TANC2: variants seen among roughly 807,000 people sequenced by gnomAD.
TANC2 encodes protein TANC2.
TANC2 carries 26 observed loss-of-function variants against 210.5 expected under a neutral mutation model. The observed-to-expected ratio is 0.12, with a 90% CI of 0.09 to 0.17. The LOEUF (loss-of-function observed/expected upper bound fraction) is 0.17. TANC2 is among the 10% of genes least tolerant of loss of function. TANC2 has a pLI of 1.00. For synonymous variants in TANC2, 931 were observed against 967.1 expected, an observed-to-expected ratio of 0.96 and a Z score of 0.69; for missense variants, 2,129 against 2,608.9, an observed-to-expected ratio of 0.82 and a Z score of 4.01.
exon 9 of TANC2, chr17:63,267,760 C>A: frequency 6.2e-7 from 1 of 1,612,486 alleles, no homozygotes; most frequent in South Asian, 1.1e-5. Context: ...ACCAGCTCTG[C>A]CCACTTGGAA....
intron 5 of TANC2, chr17:63,153,567 T>C (rs777797213): frequency 1.3e-5 from 2 of 152,168 alleles, no homozygotes; most frequent in African/African-American, 2.4e-5. Context: ...GTCAAGAATT[T>C]GCATTTCTAA....
intron 4 of TANC2, among the ~76,000 whole-genome samples, chr17:63,099,589 T>C (rs1031399354): frequency 6.6e-6 from 1 of 152,162 alleles, no homozygotes; most frequent in African/African-American, 2.4e-5. Flanking sequence ...CCATCTGTTG[T>C]GAACATATTT....
chr17:63,119,648 A>G (rs1030720943), intron 4 of TANC2, among the ~76,000 whole-genome samples: 7 of 152,212 alleles, frequency 4.6e-5, no homozygotes, highest in Admixed American at 2.6e-4. Flanking sequence ...CTTTATGACT[A>G]TCCTCACACA....
At chr17:63,158,898 A>G (rs1015784401) in intron 5 of TANC2, among the ~76,000 whole-genome samples, 2 of 152,148 alleles carry the variant, frequency 1.3e-5, no homozygotes, top group Non-Finnish European at 2.9e-5. Context: ...GTTTATACAC[A>G]TAGTTATTAG....
intron 17 of TANC2, chr17:63,393,374 C>G (rs984288465): frequency 3.9e-5 from 6 of 152,216 alleles, no homozygotes; most frequent in Admixed American, 2.6e-4. Flanking sequence ...CTCACCAACA[C>G]ACTGACCATA....
chr17:63,363,806 C>T (rs1225680413), intron 14 of TANC2, among the ~76,000 whole-genome samples: 1 of 152,162 alleles, frequency 6.6e-6, no homozygotes, highest in Non-Finnish European at 1.5e-5. Context: ...TTTGTTCTTG[C>T]TTAGGATAGC....
intron 4 of TANC2, among the ~76,000 whole-genome samples, chr17:63,136,182 T>C (rs1190716596): frequency 6.6e-6 from 1 of 152,212 alleles, no homozygotes; most frequent in African/African-American, 2.4e-5. Context: ...TTATTCAAAA[T>C]CCCATTGAAG....
At chr17:63,363,747 G>A (rs946078107) in intron 14 of TANC2, among the ~76,000 whole-genome samples, 4 of 152,098 alleles carry the variant, frequency 2.6e-5, no homozygotes, top group Admixed American at 1.3e-4. Flanking sequence ...GTACCATGCC[G>A]TTTGGGTCTA....
intron 4 of TANC2, among the ~76,000 whole-genome samples, chr17:63,123,683 CTTTTTT>C (rs957485298): frequency 3.2e-5 from 3 of 93,890 alleles, no homozygotes; most frequent in African/African-American, 4.5e-5. Context: ...TAGGTAAAAT[CTTTTTT>C]TTTTTTTTTT....
chr17:63,009,208 ATAAT>A (rs1162582251), intron 1 of TANC2, among the ~76,000 whole-genome samples: 1 of 151,946 alleles, frequency 6.6e-6, no homozygotes, highest in Non-Finnish European at 1.5e-5. Context: ...TTAATTCTTT[ATAAT>A]TAATTTTAAA....
chr17:63,008,044 A>T (rs372570500), intron 1 of TANC2, among the ~76,000 whole-genome samples: 2 of 121,638 alleles, frequency 1.6e-5, no homozygotes, highest in African/African-American at 6.2e-5. Flanking sequence ...ATTCATCATT[A>T]CTGTTGAAAG....
rs138636993 is a variant in TANC2 at position 63,223,923 on chromosome 17, A to G, written c.770-13891A>G. 1.2e-3 allele frequency among the ~76,000 whole-genome samples: 176 copies of G among 152,276 alleles called. 1 individual carries two copies. The highest frequency in any genetic ancestry group is 4.0e-3 in the African/African-American group (168 of 41,546). ...TATTTTACCTCAAGCACACATACATAGTTAACCTAACACATAGCCACAATT... is the reference window on the plus strand; with the variant it reads ...TATTTTACCTCAAGCACACATACATGGTTAACCTAACACATAGCCACAATT... On this transcript the variant is annotated intron_variant, in intron 7 of 27. Transcript: ENST00000689528.
At chr17:63,290,367 C>G (rs1265568193) in intron 9 of TANC2, among the ~76,000 whole-genome samples, 11 of 152,304 alleles carry the variant, frequency 7.2e-5, no homozygotes, top group African/African-American at 2.2e-4. Context: ...CTCTGGTAAG[C>G]TGTGACTCCC....
intron 15 of TANC2, chr17:63,381,504 C>CA (rs1205076357): frequency 6.6e-6 from 1 of 152,160 alleles, no homozygotes; most frequent in African/African-American, 2.4e-5. Context: ...AGCTGTGGGT[C>CA]AAAGACAAAT....
At chr17:62,968,924 T>G (rs1180506904) in intron 1 of TANC2, among the ~76,000 whole-genome samples, 1 of 152,186 alleles carries the variant, frequency 6.6e-6, no homozygotes, top group Non-Finnish European at 1.5e-5. Flanking sequence ...ACTACTACAT[T>G]CTTCCCTTAT....
Position 63,421,698 on chromosome 17 carries a change from A to C in TANC2, c.5968A>C (p.Thr1990Pro). 1 of 1,613,970 alleles carries C rather than the reference A, an allele frequency of 6.2e-7. No homozygotes were observed. Among genetic ancestry groups the C allele is most frequent in the Non-Finnish European group, 8.5e-7 (1 of 1,179,884 alleles). ...CAGCAACATTGCCTTTTATAACAAA[A>C]CCAACAATGCACAGAATGGCCATTT... The change falls in exon 28 of 28, where the codon ACC (threonine) becomes CCC (proline). Residue 1990 changes from threonine (T) to proline (P), a missense_variant. By Grantham distance (38) the Thr-to-Pro change is conservative (BLOSUM62 -1). This residue lies in a region of TANC2 where 161 missense variants were observed against 178.6 expected (regional missense o/e 0.90). Transcript: ENST00000689528. This position sits in a 1 kb window ranked among gnomAD's most constrained non-coding sequence, Gnocchi z 6.9.
chr17:63,064,798 T>C (rs551471484), intron 2 of TANC2, among the ~76,000 whole-genome samples: 2 of 152,244 alleles, frequency 1.3e-5, no homozygotes, highest in East Asian at 1.9e-4. Context: ...TACAATGTGA[T>C]GTTTTGATAT....
intron 4 of TANC2, among the ~76,000 whole-genome samples, chr17:63,116,630 C>A (rs369833408): frequency 1.3e-5 from 2 of 152,200 alleles, no homozygotes; most frequent in East Asian, 3.9e-4. Flanking sequence ...GATAGTATGC[C>A]TCTCTTTGAA....
intron 2 of TANC2, among the ~76,000 whole-genome samples, chr17:63,017,305 A>G (rs904011742): frequency 2.0e-5 from 3 of 152,224 alleles, no homozygotes; most frequent in Admixed American, 6.5e-5. Context: ...AATGATAAAG[A>G]TAAATGATGA....
Sources: gnomAD v4.1 joint callset for allele counts (sites outside exome capture counted in the v4.1 genomes callset) on GRCh38, gnomAD v4.1.1 for gene constraint, gnomAD v4.1.1 regional missense constraint, Gnocchi (gnomAD v3.1) non-coding constraint, MANE v1.5 for transcripts, NCBI Gene and HGNC (gene_info 2026-07-23, HGNC 2026-07-21) for gene names.